FIGN: variants seen among roughly 807,000 people sequenced by gnomAD.
The protein encoded by FIGN is fidgetin, microtubule severing factor.
In FIGN, 11 loss-of-function variants were observed where a neutral mutation model predicts 51.3. That is an observed-to-expected ratio of 0.21 (90% confidence interval 0.13 to 0.35). The LOEUF is 0.35. Among genes scored for constraint, FIGN ranks in the 10% least tolerant of loss-of-function variants. FIGN has a pLI of 1.00. For missense variants in FIGN, 857 were observed against 943.6 expected, an observed-to-expected ratio of 0.91 and a Z score of 1.20; for synonymous variants, 407 against 363.2, an observed-to-expected ratio of 1.12 and a Z score of -1.37.
At chr2:163,714,071 G>A (rs1684630101) in intron 2 of FIGN, among the ~76,000 whole-genome samples, 1 of 152,180 alleles carries the variant, frequency 6.6e-6, no homozygotes, top group African/African-American at 2.4e-5. Context: ...TCCATGCAGA[G>A]AATCTCAAGC....
At chr2:163,644,927 G>A (rs886881629) in intron 2 of FIGN, among the ~76,000 whole-genome samples, 1 of 152,132 alleles carries the variant, frequency 6.6e-6, no homozygotes, top group Non-Finnish European at 1.5e-5. Flanking sequence ...CAGGGGAGGA[G>A]GAATGGGGAC....
At chr2:163,672,170 A>AT (rs1342146136) in intron 2 of FIGN, among the ~76,000 whole-genome samples, 5 of 151,258 alleles carry the variant, frequency 3.3e-5, no homozygotes, top group East Asian at 4.0e-4. Flanking sequence ...TCCTCTGTCC[A>AT]TTTTTTCCCC....
intron 2 of FIGN, 90 bp from the exon 3 acceptor site, chr2:163,611,896 A>ATTT: frequency 2.0e-6 from 2 of 1,025,470 alleles, no homozygotes; most frequent in Non-Finnish European, 2.8e-6. Flanking sequence ...GTTACCTATT[A>ATTT]TTTTCCATTA....
chr2:163,614,984 GGTATTTTT>G (rs1272247614), intron 2 of FIGN, among the ~76,000 whole-genome samples: 3 of 151,848 alleles, frequency 2.0e-5, no homozygotes, highest in Non-Finnish European at 4.4e-5. Context: ...CATTTCATAG[GGTATTTTT>G]GCATGGTTTA....
intron 2 of FIGN, among the ~76,000 whole-genome samples, chr2:163,657,168 T>A (rs1218564284): frequency 3.3e-5 from 5 of 151,736 alleles, no homozygotes; most frequent in African/African-American, 4.8e-5. Context: ...TTCCTTATGT[T>A]AATGAAGGGA....
rs138979871 is a variant in FIGN, at chr2:163,663,518, G to A, written c.26-51712C>T. On this transcript the variant is annotated intron_variant, in intron 2 of 2. Transcript: ENST00000333129. ...CCTGGCTAATTTTGTATTTTTAGTA[G>A]AGACGGGGTTTCTCCGTGTTAGTCA... Among the ~76,000 whole-genome samples the A allele has an allele frequency of 8.8e-3, 1,329 of 151,646 alleles. 26 individuals carry two copies. Among genetic ancestry groups the A allele is most frequent in the African/African-American group, 0.031 (1,269 of 41,378 alleles).
At chr2:163,730,775 C>T (rs762241440) in intron 2 of FIGN, among the ~76,000 whole-genome samples, 1 of 152,140 alleles carries the variant, frequency 6.6e-6, no homozygotes, top group Non-Finnish European at 1.5e-5. Context: ...TTCTATCGAT[C>T]AGTAGCATAT....
At chr2:163,655,699 G>GA (rs945495893) in intron 2 of FIGN, among the ~76,000 whole-genome samples, 2 of 151,854 alleles carry the variant, frequency 1.3e-5, no homozygotes, top group African/African-American at 4.8e-5. Context: ...GTTTCTAAGA[G>GA]AAAAATATGT....
At chr2:163,729,822 T>TAAA (rs1684897371) in intron 2 of FIGN, among the ~76,000 whole-genome samples, 2 of 152,210 alleles carry the variant, frequency 1.3e-5, no homozygotes, top group Admixed American at 6.5e-5. Context: ...GAAATTCTCC[T>TAAA]TTGGATTTAC....
At chr2:163,681,248 T>A (rs1325471585) in intron 2 of FIGN, among the ~76,000 whole-genome samples, 1 of 152,130 alleles carries the variant, frequency 6.6e-6, no homozygotes, top group African/African-American at 2.4e-5. Flanking sequence ...AAGCAAATAA[T>A]ACTAAGGATT....
chr2:163,625,328 A>G (rs1241207572), intron 2 of FIGN, among the ~76,000 whole-genome samples: 2 of 152,076 alleles, frequency 1.3e-5, no homozygotes. Context: ...ATTCTGAAAG[A>G]AACAACTAAA....
intron 2 of FIGN, among the ~76,000 whole-genome samples, chr2:163,647,055 A>G (rs1256731345): frequency 1.3e-5 from 2 of 152,212 alleles, no homozygotes; most frequent in Non-Finnish European, 1.5e-5. Flanking sequence ...AGTTAACAAC[A>G]TAAAAGCACT....
chr2:163,707,354 CAA>C (rs10532413), intron 2 of FIGN, among the ~76,000 whole-genome samples: 142,101 of 149,614 alleles, frequency 0.95, 67,523 homozygotes, highest in Middle Eastern at 0.99. Context: ...GACTCTGTCT[CAA>C]AAAAAAAAAC....
chr2:163,726,737 A>G (rs1559034348), intron 2 of FIGN, among the ~76,000 whole-genome samples: 1 of 152,106 alleles, frequency 6.6e-6, no homozygotes, highest in African/African-American at 2.4e-5. Context: ...TGTAATTTTT[A>G]TCTAAAAGAT....
At chr2:163,660,670 C>T (rs1269569663) in intron 2 of FIGN, among the ~76,000 whole-genome samples, 1 of 54,100 alleles carries the variant, frequency 1.8e-5, no homozygotes, top group African/African-American at 4.3e-5. Context: ...TATACATATA[C>T]ATATATATAT....
At chr2:163,650,466 C>A (rs888389889) in intron 2 of FIGN, among the ~76,000 whole-genome samples, 1 of 151,928 alleles carries the variant, frequency 6.6e-6, no homozygotes, top group Non-Finnish European at 1.5e-5. Flanking sequence ...CATAGGTATA[C>A]ACGTGCCAGG....
chr2:163,653,464 G>A (rs1352463674), intron 2 of FIGN, among the ~76,000 whole-genome samples: 3 of 151,958 alleles, frequency 2.0e-5, no homozygotes, highest in African/African-American at 7.2e-5. Context: ...ACAAATTGAA[G>A]GCAATATTTT....
chr2:163,698,859 G>C (rs769834056), intron 2 of FIGN, among the ~76,000 whole-genome samples: 1 of 152,140 alleles, frequency 6.6e-6, no homozygotes, highest in Non-Finnish European at 1.5e-5. Flanking sequence ...GTTCCCGTCA[G>C]TAAGAAAGAC....
At chr2:163,676,483 A>ATCT (rs1553499928) in intron 2 of FIGN, among the ~76,000 whole-genome samples, 8 of 48,482 alleles carry the variant, frequency 1.7e-4, no homozygotes, top group East Asian at 9.3e-4. Flanking sequence ...ATATATATAT[A>ATCT]ACTAGAGTCT....
Sources: gnomAD v4.1 joint callset for allele counts (sites outside exome capture counted in the v4.1 genomes callset) on GRCh38, gnomAD v4.1.1 for gene constraint, MANE v1.5 for transcripts, NCBI Gene and HGNC (gene_info 2026-07-23, HGNC 2026-07-21) for gene names.